OPCML: variants seen among roughly 807,000 people sequenced by gnomAD.
OPCML encodes the protein opioid binding protein/cell adhesion molecule like, also known as opioid-binding protein/cell adhesion molecule.
A neutral mutation model predicts 37.8 loss-of-function variants in OPCML; 13 were observed. The observed-to-expected ratio is 0.34, with a 90% CI of 0.22 to 0.55. The LOEUF (loss-of-function observed/expected upper bound fraction) is 0.55. Among genes scored for constraint, OPCML ranks in the 20% least tolerant of loss-of-function variants. OPCML has a pLI of 0.91. For missense variants in OPCML, 341 were observed against 435.6 expected (o/e 0.78, Z 1.93); for synonymous variants, 176 against 168.8 (o/e 1.04, Z -0.33).
chr11:132,814,198 T>C (rs910773789), intron 2 of OPCML, among the ~76,000 whole-genome samples: 1 of 152,094 alleles, frequency 6.6e-6, no homozygotes, highest in South Asian at 2.1e-4. Flanking sequence ...AACTGGAGAG[T>C]GATGAGTTGA....
chr11:133,265,448 C>A (rs1198614551), intron 1 of OPCML, among the ~76,000 whole-genome samples: 3 of 152,222 alleles, frequency 2.0e-5, no homozygotes, highest in Admixed American at 2.0e-4. Flanking sequence ...GCTACTGCAA[C>A]TTCCTGTTTT....
intron 1 of OPCML, among the ~76,000 whole-genome samples, chr11:133,064,000 G>T (rs1565427105): frequency 6.6e-6 from 1 of 152,234 alleles, no homozygotes; most frequent in African/African-American, 2.4e-5. Context: ...GACAGGGCTG[G>T]AAGATATGGC....
intron 1 of OPCML, among the ~76,000 whole-genome samples, chr11:133,031,765 A>AG (rs1050494241): frequency 8.0e-5 from 12 of 149,416 alleles, no homozygotes; most frequent in African/African-American, 3.0e-4. Flanking sequence ...ACAGTATGAC[A>AG]GAAAAAAAAT....
chr11:133,021,044 G>T (rs1195052305), intron 1 of OPCML, among the ~76,000 whole-genome samples: 2 of 152,104 alleles, frequency 1.3e-5, no homozygotes, highest in Non-Finnish European at 2.9e-5. Flanking sequence ...ATTCATTTCT[G>T]TGTTTATTGT....
Position 133,511,433 on chromosome 11 carries a change from G to C in OPCML, c.61+20831C>G, listed in dbSNP as rs185452905. On this transcript the variant is annotated intron_variant, in intron 1 of 7. Transcript: ENST00000524381. The stretch of plus-strand genomic sequence containing the variant: ...TCCCTTATCCTTTAAAAACCTCTCT[G>C]CCCACATCTACTACTCTCTTCCCAC... Among the ~76,000 whole-genome samples the C allele has an allele frequency of 3.7e-4, 56 of 152,216 alleles. 1 individual carries two copies. Among genetic ancestry groups the C allele is most frequent in the Non-Finnish European group, 2.9e-4 (20 of 68,028 alleles).
chr11:132,687,405 T>TACATATATACATATATACATATAC lies in OPCML; in HGVS notation c.147-30087_147-30086insGTATATGTATATATGTATATATGT, dbSNP rs1565776255. Reference sequence around the variant, plus strand: ...ATATATATATATATATATATATATATATATATATATATATATATATATATT... The same window carrying TACATATATACATATATACATATAC: ...ATATATATATATATATATATATATATACATATATACATATATACATATACATATATATATATATATATATATATT... On this transcript the variant is annotated intron_variant, in intron 2 of 7. Coordinates refer to ENST00000524381, the MANE Select transcript of OPCML (RefSeq NM_001012393.5). Among the ~76,000 whole-genome samples the TACATATATACATATATACATATAC allele has an allele frequency of 2.4e-3, 235 of 95,934 alleles. 7 individuals carry two copies. The highest frequency in any genetic ancestry group is 0.013 in the African/African-American group (214 of 15,902). The allele number at this position is 95,934 out of a possible 152,430, so 62.9% of individuals were successfully genotyped here. A position where few individuals can be genotyped will look rare whatever the true frequency, so the allele number is the denominator to read the frequency against.
Position 132,914,559 on chromosome 11 carries a change from C to A in OPCML, c.146+28367G>T, listed in dbSNP as rs115849472. On this transcript the variant is annotated intron_variant, in intron 2 of 7. Transcript: ENST00000524381. ...TGTCCTTAATCCTTGAAATGGAAAG[C>A]AGACTAAGAAACCAGAGTCCCAGCA... 7.4e-3 allele frequency among the ~76,000 whole-genome samples: 1,128 copies of A among 152,314 alleles called. 14 individuals are homozygous for A. The highest frequency in any genetic ancestry group is 0.026 in the African/African-American group (1,071 of 41,568).
At chr11:133,408,704 G>A (rs1260584719) in intron 1 of OPCML, among the ~76,000 whole-genome samples, 1 of 152,088 alleles carries the variant, frequency 6.6e-6, no homozygotes, top group Non-Finnish European at 1.5e-5. Context: ...ATGCACAGCT[G>A]TAGGATGTGG....
intron 1 of OPCML, among the ~76,000 whole-genome samples, chr11:133,161,907 C>T (rs1192840116): frequency 2.6e-5 from 4 of 151,730 alleles, no homozygotes; most frequent in African/African-American, 4.8e-5. Flanking sequence ...GCCTGCCTCC[C>T]GGTACCCTCC....
intron 2 of OPCML, among the ~76,000 whole-genome samples, chr11:132,717,711 G>GA (rs1397440738): frequency 2.6e-5 from 4 of 152,146 alleles, no homozygotes; most frequent in East Asian, 3.9e-4. Context: ...AAGAGCCTTT[G>GA]AAAAATGTAT....
chr11:132,931,682 A>G (rs764014326), intron 2 of OPCML, among the ~76,000 whole-genome samples: 15 of 152,202 alleles, frequency 9.9e-5, no homozygotes, highest in South Asian at 2.1e-4. Flanking sequence ...GAAGGTGGTG[A>G]AGTTGGAACT....
At chr11:132,466,420 C>G (rs901979281) in intron 4 of OPCML, among the ~76,000 whole-genome samples, 2 of 151,030 alleles carry the variant, frequency 1.3e-5, no homozygotes, top group African/African-American at 4.9e-5. Context: ...CGAGGCGGAG[C>G]TTGCAGTGAG....
chr11:132,488,406 T>C (rs1050597049), intron 4 of OPCML, among the ~76,000 whole-genome samples: 4 of 152,354 alleles, frequency 2.6e-5, no homozygotes, highest in African/African-American at 7.2e-5. Flanking sequence ...TGGCACAGCC[T>C]ACTACACACT....
intron 3 of OPCML, among the ~76,000 whole-genome samples, chr11:132,607,059 A>G (rs1339005407): frequency 1.3e-5 from 2 of 152,208 alleles, no homozygotes; most frequent in East Asian, 3.9e-4. Flanking sequence ...CTTTTCAATC[A>G]TATCACTAAT....
At chr11:132,960,883 C>T (rs984366177) in intron 1 of OPCML, among the ~76,000 whole-genome samples, 5 of 152,166 alleles carry the variant, frequency 3.3e-5, no homozygotes, top group Admixed American at 2.6e-4. Context: ...ACTGGGTCTG[C>T]AGCTGGACAA....
chr11:133,130,336 G>C (rs1949583720), intron 1 of OPCML, among the ~76,000 whole-genome samples: 1 of 152,100 alleles, frequency 6.6e-6, no homozygotes, highest in Non-Finnish European at 1.5e-5. Flanking sequence ...AAATATACAT[G>C]TAAATTGAGT....
intron 1 of OPCML, among the ~76,000 whole-genome samples, chr11:133,416,241 C>T (rs1343288996): frequency 6.6e-6 from 1 of 152,108 alleles, no homozygotes; most frequent in Non-Finnish European, 1.5e-5. Flanking sequence ...ATTGATGGAC[C>T]ATACACAGCA....
intron 4 of OPCML, among the ~76,000 whole-genome samples, chr11:132,437,933 G>A (rs927921099): frequency 1.3e-5 from 2 of 152,130 alleles, no homozygotes; most frequent in Admixed American, 1.3e-4. Context: ...ATGAATGAAC[G>A]AGGAAGGACC....
At chr11:132,502,589 G>A (rs911319005) in intron 4 of OPCML, among the ~76,000 whole-genome samples, 55 of 152,220 alleles carry the variant, frequency 3.6e-4, no homozygotes, top group Middle Eastern at 3.4e-3. Flanking sequence ...CAGCTCAGGG[G>A]ACAAAAATGA....
Sources: allele counts gnomAD v4.1 joint callset (sites outside exome capture counted in the v4.1 genomes callset), GRCh38; gene constraint gnomAD v4.1.1; transcripts MANE v1.5; gene names NCBI Gene and HGNC (gene_info 2026-07-23, HGNC 2026-07-21).